TRPA1: variants seen among roughly 807,000 people sequenced by gnomAD.
The protein encoded by TRPA1 is transient receptor potential cation channel subfamily A member 1.
A neutral mutation model predicts 131.3 loss-of-function variants in TRPA1; 129 were observed. The observed-to-expected ratio is 0.98, with a 90% CI of 0.85 to 1.14. The LOEUF (loss-of-function observed/expected upper bound fraction) is 1.14, where lower values mean the gene tolerates loss of function less well. Ranked by LOEUF, TRPA1 falls within the 50% of genes most tolerant of loss-of-function variation. The pLI is 0.00. For synonymous variants in TRPA1, 441 were observed against 451.7 expected, an observed-to-expected ratio of 0.98 and a Z score of 0.30; for missense variants, 1,304 against 1,354.2, an observed-to-expected ratio of 0.96 and a Z score of 0.58.
the TRPA1 span, among the ~76,000 whole-genome samples, chr8:72,087,631 A>AATATATATATATATATATAT: frequency 1.2e-4 from 18 of 146,400 alleles, no homozygotes; most frequent in African/African-American, 4.5e-4. Flanking sequence ...GGATCTATCA[A>AATATATATATATATATATAT]ATATATATAT....
At chr8:72,027,562 T>C (rs1362151995) in intron 24 of TRPA1, among the ~76,000 whole-genome samples, 1 of 152,132 alleles carries the variant, frequency 6.6e-6, no homozygotes, top group East Asian at 1.9e-4. Context: ...AAAATACTCA[T>C]AACACCTGCC....
At chr8:72,024,969 C>T (rs1282617960) in intron 25 of TRPA1, among the ~76,000 whole-genome samples, 1 of 152,114 alleles carries the variant, frequency 6.6e-6, no homozygotes, top group African/African-American at 2.4e-5. Flanking sequence ...GAAGGGAGCC[C>T]AGGCATACTA....
rs1811747340 is a variant in TRPA1 at position 72,029,939 on chromosome 8, C to T, written c.2899G>A (p.Val967Ile). 4.3e-6 allele frequency: 7 copies of T among 1,613,796 alleles called. No homozygotes were observed. Among genetic ancestry groups the T allele is most frequent in the Non-Finnish European group, 5.9e-6 (7 of 1,179,862 alleles). Residue 967 changes from valine to isoleucine, a missense_variant, in exon 24 of 27, where the codon GTC becomes ATC. Transcript: ENST00000262209. ...CTCTTCAATGATGCATGTTTCTGGA[C>T]CTCAGCAATGTCGCCAACTGCCAAA... Reference protein sequence around the residue: ...IGLAVGDIAEVQKHASLKRIA... With the variant: ...IGLAVGDIAEIQKHASLKRIA...
intron 7 of TRPA1, chr8:72,060,569 C>T (rs1452540850): frequency 6.6e-6 from 1 of 152,016 alleles, no homozygotes; most frequent in Non-Finnish European, 1.5e-5. Flanking sequence ...CTTACGTTAT[C>T]TTCATATATT....
chr8:72,052,199 A>G (rs781562722), intron 14 of TRPA1, among the ~76,000 whole-genome samples: 1 of 152,198 alleles, frequency 6.6e-6, no homozygotes, highest in Non-Finnish European at 1.5e-5. Context: ...AGGTGGGCGA[A>G]TCACTTGAGC....
chr8:72,071,317 G>A (rs1306414918), intron 2 of TRPA1, among the ~76,000 whole-genome samples: 1 of 152,128 alleles, frequency 6.6e-6, no homozygotes, highest in Non-Finnish European at 1.5e-5. Context: ...AGTGTACAAG[G>A]CTGGCATCTG....
chr8:72,032,009 G>A (rs953408200), intron 23 of TRPA1, among the ~76,000 whole-genome samples: 4 of 152,152 alleles, frequency 2.6e-5, no homozygotes, highest in Admixed American at 6.5e-5. Flanking sequence ...CTAACCCATG[G>A]TGGGACGTTT....
At chr8:72,086,508 AT>A in the TRPA1 span, among the ~76,000 whole-genome samples, 1 of 152,146 alleles carries the variant, frequency 6.6e-6, no homozygotes, top group Non-Finnish European at 1.5e-5. Context: ...TTGGCTTCCT[AT>A]TGAATAATTG....
At position 72,061,686 on chromosome 8, in the gene TRPA1, A is replaced by C; in HGVS notation, c.883T>G (p.Tyr295Asp). Residue 295 changes from tyrosine to aspartate, a missense_variant, in exon 7 of 27, where the codon TAT becomes GAT. By Grantham distance (160) the Tyr-to-Asp change is radical. Coordinates refer to ENST00000262209, the MANE Select transcript of TRPA1 (RefSeq NM_007332.3). ...TEIVKLMISS[Y>D]SGSVDIVNTT... is the part of the protein sequence containing the mutation. Reference sequence around the variant, plus strand: ...TTAACAATATCCACGCTACCAGAATAGGACGATATCATCAGTTTAACAATC... The same window carrying C: ...TTAACAATATCCACGCTACCAGAATCGGACGATATCATCAGTTTAACAATC... The C allele has an allele frequency of 6.2e-7, 1 of 1,614,112 alleles. No homozygotes were observed. The highest frequency in any genetic ancestry group is 8.5e-7 in the Non-Finnish European group (1 of 1,179,982).
At chr8:72,066,174 C>T (rs1310238882) in intron 3 of TRPA1, among the ~76,000 whole-genome samples, 1 of 152,142 alleles carries the variant, frequency 6.6e-6, no homozygotes, top group East Asian at 1.9e-4. Flanking sequence ...AAGAAATTAG[C>T]ATCCTGATAA....
rs1253155713 is a variant in TRPA1, at chr8:72,033,781, T to G, written c.2731A>C (p.Met911Leu). 1 of 1,614,088 alleles carries G rather than the reference T, an allele frequency of 6.2e-7. No individual in the cohort carries two copies. The highest frequency in any genetic ancestry group is 1.1e-5 in the South Asian group (1 of 91,082). ...CGATAATTGATATCTCCTAGCATCA[T>G]GCTGAAGGTCTGGATTATAGAAAGC... ...PLLSIIQTFS[M>L]MLGDINYRES... The change falls in exon 23 of 27, where the codon ATG (methionine) becomes CTG (leucine). Residue 911 changes from methionine to leucine, a missense_variant. Met to Leu is a conservative substitution (Grantham distance 15, BLOSUM62 2). Coordinates refer to ENST00000262209, the MANE Select transcript of TRPA1 (RefSeq NM_007332.3).
intron 23 of TRPA1, among the ~76,000 whole-genome samples, chr8:72,031,657 T>G (rs2129433146): frequency 6.6e-6 from 1 of 152,106 alleles, no homozygotes; most frequent in Admixed American, 6.5e-5. Context: ...AACTAACCAT[T>G]TCATACCTGC....
At chr8:72,083,741 A>G in the TRPA1 span, among the ~76,000 whole-genome samples, 1 of 141,210 alleles carries the variant, frequency 7.1e-6, no homozygotes, top group African/African-American at 3.2e-5. Flanking sequence ...AGACCATCTC[A>G]AAAAACAAAA....
chr8:72,033,970 A>G (rs927305258), intron 22 of TRPA1, 144 bp from the exon 23 acceptor site: 3 of 833,134 alleles, frequency 3.6e-6, no homozygotes, highest in Admixed American at 2.1e-5. Context: ...GTGATAAAAT[A>G]TAGTAAACAT....
chr8:72,057,620 G>A (rs1234268414), intron 9 of TRPA1, 97 bp downstream of exon 9: 3 of 935,680 alleles, frequency 3.2e-6, no homozygotes, highest in East Asian at 4.9e-5. Flanking sequence ...CACAATAGAT[G>A]GTGGCACACA....
chr8:72,054,146 G>A, intron 12 of TRPA1: 1 of 435,902 alleles, frequency 2.3e-6, no homozygotes, highest in South Asian at 2.3e-5. Flanking sequence ...GGTAGGAGAA[G>A]TACGCTTAGC....
At chr8:72,061,595 T>C (rs369028206) in intron 7 of TRPA1, 30 bp downstream of exon 7, 31 of 1,613,370 alleles carry the variant, frequency 1.9e-5, no homozygotes, top group Non-Finnish European at 2.6e-5. Flanking sequence ...ATGAAAAATC[T>C]GTATACAGAA....
At chr8:72,041,141 C>G (rs900740413) in intron 17 of TRPA1, 7 of 151,964 alleles carry the variant, frequency 4.6e-5, no homozygotes, top group African/African-American at 1.7e-4. Flanking sequence ...ATAATGATAA[C>G]AACGTCAACT....
Position 72,075,507 on chromosome 8 carries a change from C to T in TRPA1, c.-98G>A. The stretch of plus-strand genomic sequence containing the variant: ...TCAGCCTGCCAGGCGCTGGGGTCCG[C>T]GCGAGCCCGAGCTCTCCCGCGCTGC... On this transcript the variant is annotated 5_prime_UTR_variant, in exon 1 of 27. Transcript: ENST00000262209. The T allele has an allele frequency of 3.0e-6, 3 of 1,011,338 alleles. No homozygotes were observed. The highest frequency in any genetic ancestry group is 4.6e-6 in the Non-Finnish European group (3 of 649,494). The allele number at this position is 1,011,338 out of a possible 1,614,324, so 62.6% of individuals were successfully genotyped here. A position where few individuals can be genotyped will look rare whatever the true frequency, so the allele number is the denominator to read the frequency against.
Sources: allele counts gnomAD v4.1 joint callset (sites outside exome capture counted in the v4.1 genomes callset), GRCh38; gene constraint gnomAD v4.1.1; transcripts MANE v1.5; gene names NCBI Gene and HGNC (gene_info 2026-07-23, HGNC 2026-07-21).